CTNNA3: variants seen among roughly 807,000 people sequenced by gnomAD.
CTNNA3 encodes catenin alpha 3.
Under a neutral mutation model 95.7 loss-of-function variants are expected in CTNNA3, and 76 were observed. The ratio of observed to expected loss-of-function variants is 0.79; its 90% CI spans 0.66 to 0.96. The LOEUF is 0.96. Among genes scored for constraint, CTNNA3 ranks in the 40% least tolerant of loss-of-function variants. CTNNA3 has a pLI of 0.00. For synonymous variants in CTNNA3, 431 were observed against 374.4 expected, an observed-to-expected ratio of 1.15 and a Z score of -1.74; for missense variants, 1,191 against 1,089.8, an observed-to-expected ratio of 1.09 and a Z score of -1.31.
chr10:66,484,771 T>C (rs1388625531), intron 11 of CTNNA3, among the ~76,000 whole-genome samples: 3 of 151,946 alleles, frequency 2.0e-5, no homozygotes, highest in African/African-American at 7.2e-5. Flanking sequence ...AAAAGGGCAC[T>C]GCAAGAAAAA....
In CTNNA3 at chr10:65,920,397, C is replaced by A. The variant is rs2077064423; in HGVS notation, c.2621G>T (p.Gly874Val). The A allele has an allele frequency of 4.3e-6, 7 of 1,614,092 alleles. No individual in the cohort carries two copies. The highest frequency in any genetic ancestry group is 5.9e-6 in the Non-Finnish European group (7 of 1,180,002). The stretch of plus-strand genomic sequence containing the variant: ...TGGATGGATTTTTTTCTTTGCTGAG[C>A]CTCGTCTGACAGCTGCACACGTTTC... ...PEETCAAVRRGSAKKKIHPLQ... is the reference protein window; with the variant it reads ...PEETCAAVRRVSAKKKIHPLQ... Residue 874 changes from glycine to valine, a missense_variant, in exon 18 of 18, where the codon GGC (glycine) becomes GTC (valine). Transcript: ENST00000433211.
At chr10:66,506,732 A>C (rs1009932646) in intron 11 of CTNNA3, among the ~76,000 whole-genome samples, 1 of 152,162 alleles carries the variant, frequency 6.6e-6, no homozygotes, top group Non-Finnish European at 1.5e-5. Flanking sequence ...TAATTTTATC[A>C]AAATCATTTT....
At chr10:65,998,026 A>C (rs1173331226) in intron 15 of CTNNA3, among the ~76,000 whole-genome samples, 1 of 152,214 alleles carries the variant, frequency 6.6e-6, no homozygotes, top group Admixed American at 6.5e-5. Flanking sequence ...AAAAAAACAA[A>C]AAAGAACTAT....
At chr10:66,073,577 A>ATT (rs2080485775) in intron 14 of CTNNA3, among the ~76,000 whole-genome samples, 2 of 152,052 alleles carry the variant, frequency 1.3e-5, no homozygotes, top group Non-Finnish European at 2.9e-5. Context: ...TTGAAGTTTT[A>ATT]TATTTTAGAA....
At chr10:65,986,169 G>A (rs1302977667) in intron 16 of CTNNA3, among the ~76,000 whole-genome samples, 1 of 151,244 alleles carries the variant, frequency 6.6e-6, no homozygotes, top group Non-Finnish European at 1.5e-5. Context: ...CTCTGAGTGT[G>A]AATCCTGTAC....
At chr10:67,611,611 T>C (rs897735067) in intron 2 of CTNNA3, among the ~76,000 whole-genome samples, 2 of 152,182 alleles carry the variant, frequency 1.3e-5, no homozygotes, top group Non-Finnish European at 1.5e-5. Context: ...CCACTGCGCC[T>C]GGCCGTGAAA....
intron 11 of CTNNA3, among the ~76,000 whole-genome samples, chr10:66,476,605 CTATT>C (rs1839335561): frequency 6.6e-6 from 1 of 151,778 alleles, no homozygotes; most frequent in East Asian, 1.9e-4. Flanking sequence ...ATAATGAAAA[CTATT>C]TACTTTTTAT....
chr10:67,307,630 C>G (rs80208495), intron 5 of CTNNA3, among the ~76,000 whole-genome samples: 333 of 152,232 alleles, frequency 2.2e-3, no homozygotes, highest in African/African-American at 7.7e-3. Context: ...CCTTGAAAAG[C>G]TACAGTGGTT....
intron 6 of CTNNA3, among the ~76,000 whole-genome samples, chr10:67,211,181 G>T (rs993899938): frequency 6.6e-6 from 1 of 151,762 alleles, no homozygotes; most frequent in Non-Finnish European, 1.5e-5. Context: ...TTAACTGATG[G>T]TCATGAGACT....
chr10:67,347,885 A>T (rs1589196363), intron 5 of CTNNA3, among the ~76,000 whole-genome samples: 1 of 151,800 alleles, frequency 6.6e-6, no homozygotes, highest in East Asian at 1.9e-4. Flanking sequence ...TCTCTTCCAC[A>T]TTCTGTGGCA....
At chr10:66,081,336 G>A (rs1331240714) in intron 14 of CTNNA3, among the ~76,000 whole-genome samples, 2 of 152,094 alleles carry the variant, frequency 1.3e-5, no homozygotes, top group Non-Finnish European at 2.9e-5. Flanking sequence ...GGATGTCCAG[G>A]CCTGGTGGCT....
intron 9 of CTNNA3, among the ~76,000 whole-genome samples, chr10:66,764,811 T>C (rs1417922029): frequency 1.3e-5 from 2 of 152,024 alleles, no homozygotes; most frequent in Non-Finnish European, 2.9e-5. Flanking sequence ...AAGGAATAAA[T>C]AAAAGCAGAT....
At chr10:66,590,377 C>A (rs1025957912) in intron 10 of CTNNA3, among the ~76,000 whole-genome samples, 4 of 152,074 alleles carry the variant, frequency 2.6e-5, no homozygotes, top group African/African-American at 9.7e-5. Context: ...TATGAAATCA[C>A]CCGTACCAGA....
intron 15 of CTNNA3, among the ~76,000 whole-genome samples, chr10:66,041,558 A>C (rs1003127749): frequency 6.6e-6 from 1 of 152,214 alleles, no homozygotes; most frequent in Non-Finnish European, 1.5e-5. Context: ...CAAAATAAAA[A>C]GTCAAAAACT....
intron 10 of CTNNA3, among the ~76,000 whole-genome samples, chr10:66,620,225 A>T (rs1269423083): frequency 6.6e-6 from 1 of 152,180 alleles, no homozygotes; most frequent in African/African-American, 2.4e-5. Flanking sequence ...AATAATTAAA[A>T]GATAAATCAT....
chr10:66,630,672 C>G (rs1377823104), intron 9 of CTNNA3, among the ~76,000 whole-genome samples: 1 of 152,102 alleles, frequency 6.6e-6, no homozygotes, highest in Admixed American at 6.6e-5. Context: ...GAGCTCTGAT[C>G]TCCCCATGTT....
intron 5 of CTNNA3, among the ~76,000 whole-genome samples, chr10:67,375,702 G>C (rs993645334): frequency 2.0e-5 from 3 of 152,140 alleles, no homozygotes; most frequent in African/African-American, 7.2e-5. Context: ...CTGTCCTAAT[G>C]AAAAGGATTC....
intron 11 of CTNNA3, among the ~76,000 whole-genome samples, chr10:66,480,473 T>G (rs1197766107): frequency 6.6e-6 from 1 of 152,210 alleles, no homozygotes; most frequent in Non-Finnish European, 1.5e-5. Context: ...ATTTAACTAG[T>G]CATTTATTCT....
intron 15 of CTNNA3, among the ~76,000 whole-genome samples, chr10:66,041,618 C>G (rs2079689963): frequency 6.6e-6 from 1 of 152,180 alleles, no homozygotes; most frequent in South Asian, 2.1e-4. Context: ...TTGCTGTGTT[C>G]TCTCTCTTCG....
Sources: gnomAD v4.1 joint callset for allele counts (sites outside exome capture counted in the v4.1 genomes callset) on GRCh38, gnomAD v4.1.1 for gene constraint, MANE v1.5 for transcripts, NCBI Gene and HGNC (gene_info 2026-07-23, HGNC 2026-07-21) for gene names.